MAGI2: variants seen among roughly 807,000 people sequenced by gnomAD.
MAGI2 encodes membrane-associated guanylate kinase, WW and PDZ domain-containing protein 2.
In MAGI2, 35 loss-of-function variants were observed where a neutral mutation model predicts 133.3. The observed-to-expected ratio is 0.26, with a 90% confidence interval of 0.20 to 0.35. MAGI2 has a LOEUF of 0.35. MAGI2 is among the 10% of genes least tolerant of loss of function. The pLI, the probability that MAGI2 is intolerant of heterozygous loss-of-function variation, is 1.00. For missense variants in MAGI2, 1,636 were observed against 1,863.4 expected, an observed-to-expected ratio of 0.88 and a Z score of 2.25; for synonymous variants, 729 against 710.6, an observed-to-expected ratio of 1.03 and a Z score of -0.41.
intron 4 of MAGI2, among the ~76,000 whole-genome samples, chr7:78,507,524 A>C (rs1173882799): frequency 3.3e-5 from 5 of 152,164 alleles, no homozygotes; most frequent in Admixed American, 2.0e-4. Flanking sequence ...GAGATGGTAG[A>C]ATGCAAATTC....
intron 2 of MAGI2, among the ~76,000 whole-genome samples, chr7:78,716,641 G>A (rs1400764514): frequency 6.6e-6 from 1 of 152,104 alleles, no homozygotes; most frequent in African/African-American, 2.4e-5. Flanking sequence ...ACATTGCTGA[G>A]CACGCTGATT....
At chr7:79,080,186 T>C (rs1332797006) in intron 1 of MAGI2, among the ~76,000 whole-genome samples, 2 of 152,160 alleles carry the variant, frequency 1.3e-5, no homozygotes, top group Non-Finnish European at 2.9e-5. Context: ...TTAATGTTTT[T>C]ATACATTCCA....
intron 3 of MAGI2, among the ~76,000 whole-genome samples, chr7:78,604,849 T>C (rs1406914050): frequency 2.0e-5 from 3 of 152,260 alleles, no homozygotes; most frequent in Non-Finnish European, 2.9e-5. Context: ...TTCTTTCTAC[T>C]TAGAGCTATT....
intron 1 of MAGI2, among the ~76,000 whole-genome samples, chr7:79,090,116 A>C (rs1346670532): frequency 1.3e-5 from 2 of 152,102 alleles, no homozygotes; most frequent in Non-Finnish European, 2.9e-5. Context: ...AATATTACTT[A>C]AAACAACTCA....
At chr7:78,747,695 G>T (rs936454735) in intron 2 of MAGI2, among the ~76,000 whole-genome samples, 3 of 152,134 alleles carry the variant, frequency 2.0e-5, no homozygotes, top group African/African-American at 7.2e-5. Context: ...GATCTCACTA[G>T]AAGGTTTGGT....
intron 2 of MAGI2, among the ~76,000 whole-genome samples, chr7:78,947,334 A>G (rs1801503071): frequency 6.6e-6 from 1 of 152,082 alleles, no homozygotes; most frequent in African/African-American, 2.4e-5. Flanking sequence ...GTAGATACTT[A>G]CTGATTGCTG....
chr7:78,075,074 G>C (rs1040547059), intron 21 of MAGI2, among the ~76,000 whole-genome samples: 3 of 152,200 alleles, frequency 2.0e-5, no homozygotes, highest in African/African-American at 7.2e-5. Context: ...AATCAGTGTG[G>C]TTTGTGCTGA....
chr7:79,269,737 T>C (rs1458994059), intron 1 of MAGI2, among the ~76,000 whole-genome samples: 1 of 152,200 alleles, frequency 6.6e-6, no homozygotes, highest in Non-Finnish European at 1.5e-5. Context: ...TTCCTGGTTA[T>C]AGGCCAAGCT....
intron 3 of MAGI2, among the ~76,000 whole-genome samples, chr7:78,539,833 T>C (rs1798260127): frequency 6.6e-6 from 1 of 152,166 alleles, no homozygotes; most frequent in African/African-American, 2.4e-5. Flanking sequence ...TCCTTAGTTG[T>C]TTTATTTACT....
chr7:78,409,928 T>C (rs1186174856), intron 6 of MAGI2, among the ~76,000 whole-genome samples: 1 of 152,042 alleles, frequency 6.6e-6, no homozygotes, highest in Non-Finnish European at 1.5e-5. Flanking sequence ...TGTTAACTAG[T>C]TTGCTATATT....
chr7:79,029,463 G>A (rs963611252), intron 1 of MAGI2, among the ~76,000 whole-genome samples: 2 of 151,996 alleles, frequency 1.3e-5, no homozygotes, highest in East Asian at 3.9e-4. Flanking sequence ...ATCTTTATCA[G>A]TTTCATAGCT....
chr7:79,217,642 A>G (rs1830120784), intron 1 of MAGI2, among the ~76,000 whole-genome samples: 1 of 152,066 alleles, frequency 6.6e-6, no homozygotes, highest in Non-Finnish European at 1.5e-5. Context: ...ACTCATTAGA[A>G]TAGTTTCTGT....
At chr7:78,044,709 G>C (rs767964799) in intron 21 of MAGI2, among the ~76,000 whole-genome samples, 3,128 of 150,122 alleles carry the variant, frequency 0.021, 41 homozygotes, top group Admixed American at 0.029. Context: ...GTGTGTGCAC[G>C]TGTGCACACG....
At chr7:79,152,554 T>C (rs184811639) in intron 1 of MAGI2, among the ~76,000 whole-genome samples, 185 of 152,344 alleles carry the variant, frequency 1.2e-3, no homozygotes, top group African/African-American at 4.2e-3. Context: ...AAGTTTTTTT[T>C]TACTGAGCCA....
intron 21 of MAGI2, among the ~76,000 whole-genome samples, chr7:78,066,062 A>G (rs1813773565): frequency 6.6e-6 from 1 of 152,212 alleles, no homozygotes. Context: ...TCTAAATTTT[A>G]AAAGGATTAT....
chr7:79,399,689 AC>A (rs1207717168), intron 1 of MAGI2, among the ~76,000 whole-genome samples: 1 of 152,100 alleles, frequency 6.6e-6, no homozygotes, highest in Non-Finnish European at 1.5e-5. Context: ...TATTTAAAGG[AC>A]CCTAATTCTT....
At chr7:78,382,948 T>A (rs998253004) in intron 6 of MAGI2, among the ~76,000 whole-genome samples, 1 of 152,156 alleles carries the variant, frequency 6.6e-6, no homozygotes, top group African/African-American at 2.4e-5. Context: ...TTGACTTTTT[T>A]ATTTATGATT....
chr7:79,402,859 G>T (rs766155439), intron 1 of MAGI2, among the ~76,000 whole-genome samples: 1 of 152,114 alleles, frequency 6.6e-6, no homozygotes, highest in African/African-American at 2.4e-5. Flanking sequence ...CTTTCCATGG[G>T]TAATATTATA....
chr7:78,140,280 T>C (rs909574979), intron 16 of MAGI2, among the ~76,000 whole-genome samples: 1 of 152,238 alleles, frequency 6.6e-6, no homozygotes, highest in Non-Finnish European at 1.5e-5. Flanking sequence ...TCCCCCCTTC[T>C]CTCCTCTTTC....
Sources: gnomAD v4.1 joint callset for allele counts (sites outside exome capture counted in the v4.1 genomes callset) on GRCh38, gnomAD v4.1.1 for gene constraint, MANE v1.5 for transcripts, NCBI Gene and HGNC (gene_info 2026-07-23, HGNC 2026-07-21) for gene names.